The following HERC2 variants were observed in gnomAD, a reference collection of about 807,000 sequenced individuals.
HERC2 encodes HECT and RLD domain containing E3 ubiquitin protein ligase 2.
A neutral mutation model predicts 537.7 loss-of-function variants in HERC2; 102 were observed. The ratio of observed to expected loss-of-function variants is 0.19; its 90% CI spans 0.16 to 0.22. The LOEUF (loss-of-function observed/expected upper bound fraction) is 0.22. Among genes scored for constraint, HERC2 ranks in the 10% least tolerant of loss-of-function variants. The probability of loss-of-function intolerance (pLI) is 1.00; values close to 1 mark genes in which losing one functional copy is unlikely to be tolerated. For synonymous variants in HERC2, 2,224 were observed against 2,466.2 expected, an observed-to-expected ratio of 0.90 and a Z score of 2.91; for missense variants, 4,236 against 6,198.2, an observed-to-expected ratio of 0.68 and a Z score of 10.63.
At position 28,122,252 on chromosome 15, in the gene HERC2, G is replaced by A. The variant is rs533300747; in HGVS notation, c.13189-823C>T. On this transcript the variant is annotated intron_variant, in intron 85 of 92. Transcript: ENST00000261609. The surrounding 1 kb of genome is among the most constrained non-coding windows in gnomAD (Gnocchi z 4.1). ...AGGAGGGAGCAGGTCGGCCATGCCCGTGGGGAAAGGGCAGAGGATGCGGCA... is the reference window on the plus strand; with the variant it reads ...AGGAGGGAGCAGGTCGGCCATGCCCATGGGGAAAGGGCAGAGGATGCGGCA... 3.2e-4 allele frequency among the ~76,000 whole-genome samples: 48 copies of A among 152,370 alleles called. No homozygotes were observed. The highest frequency in any genetic ancestry group is 1.1e-3 in the African/African-American group (46 of 41,600).
chr15:28,292,730 C>T (rs116161639), intron 4 of HERC2, among the ~76,000 whole-genome samples, 158 bp downstream of exon 4: 2,958 of 152,154 alleles, frequency 0.019, 95 homozygotes, highest in African/African-American at 0.067. Context: ...ATGGTTAAAA[C>T]GGTAAGTTTT....
chr15:28,269,659 C>T (rs1355468977), intron 10 of HERC2, among the ~76,000 whole-genome samples: 4 of 152,178 alleles, frequency 2.6e-5, no homozygotes, highest in Admixed American at 6.5e-5. Flanking sequence ...TTCATTTTAA[C>T]AGAGCCCATT....
rs763078583 is a variant in HERC2 at position 28,113,550 on chromosome 15, GC to G, written c.14019+22del. On this transcript the variant is annotated intron_variant, in intron 91 of 92. Coordinates refer to ENST00000261609, the MANE Select transcript of HERC2 (RefSeq NM_004667.6). This position sits in a 1 kb window ranked among gnomAD's most constrained non-coding sequence, Gnocchi z 7.0. ...GCAGGCAAAAGGCAGCTGCAGGGCA[GC>G]CCCACCTGGGGGTCGGCATACCATC... 2.3e-5 allele frequency: 36 copies of G among 1,599,330 alleles called. No homozygotes were observed. Among genetic ancestry groups the G allele is most frequent in the Admixed American group, 1.3e-4 (8 of 59,972 alleles).
chr15:28,195,942 C>A (rs1345724781), intron 52 of HERC2, among the ~76,000 whole-genome samples: 1 of 152,196 alleles, frequency 6.6e-6, no homozygotes, highest in Non-Finnish European at 1.5e-5. Flanking sequence ...TAAACACTTA[C>A]TAGTTTCTTG....
In HERC2 at chr15:28,270,711, G is replaced by C. The variant is rs763598600; in HGVS notation, c.1241C>G (p.Ser414Cys). The change falls in exon 10 of 93, where the codon TCT becomes TGT. Residue 414 changes from serine (S) to cysteine (C), a missense_variant. Coordinates refer to ENST00000261609, the MANE Select transcript of HERC2 (RefSeq NM_004667.6). Reference sequence around the variant, plus strand: ...CACACACACCTTATGAGATGTCGGAGAGCTACACAGCGGAGGCATACAGGG... The same window carrying C: ...CACACACACCTTATGAGATGTCGGACAGCTACACAGCGGAGGCATACAGGG... ...ATPCMPPLCS[S>C]PTSHKGSLQE... The C allele has an allele frequency of 3.1e-6, 5 of 1,613,954 alleles. No individual in the cohort carries two copies. Among genetic ancestry groups the C allele is most frequent in the African/African-American group, 1.3e-5 (1 of 75,034 alleles).
chr15:28,228,347 T>C lies in HERC2; in HGVS notation c.5335A>G (p.Thr1779Ala). Reference protein sequence around the residue: ...NENPSGPSLGTIPQARFLLVM... With the variant: ...NENPSGPSLGAIPQARFLLVM... Reference sequence around the variant, plus strand: ...AGGAGGAAGCGGGCTTGCGGGATGGTCCCCAGGCTCGGTCCTGACGGGTTC... The same window carrying C: ...AGGAGGAAGCGGGCTTGCGGGATGGCCCCCAGGCTCGGTCCTGACGGGTTC... The change falls in exon 35 of 93, where the codon ACC becomes GCC. Residue 1779 changes from threonine (T) to alanine (A), a missense_variant. By Grantham distance (58) the Thr-to-Ala change is moderately conservative. Around this residue, in one of 27 missense-constraint regions of HERC2, gnomAD observed 343 missense variants for 417.2 expected, o/e 0.82. Coordinates refer to ENST00000261609, the MANE Select transcript of HERC2 (RefSeq NM_004667.6). 1 of 1,612,074 alleles carries C rather than the reference T, an allele frequency of 6.2e-7. No individual in the cohort carries two copies. The highest frequency in any genetic ancestry group is 1.1e-5 in the South Asian group (1 of 90,984).
At position 28,178,131 on chromosome 15, in the gene HERC2, C is replaced by T. The variant is rs114875495; in HGVS notation, c.9164-622G>A. 6.6e-5 allele frequency among the ~76,000 whole-genome samples: 10 copies of T among 151,890 alleles called. No homozygotes were observed. In the South Asian group the frequency reaches 2.1e-3, roughly 32 times the overall value. ...TTCTCCCCCTTCCTTACCAACAGAA[C>T]CCCCATGTTAAAGTGCTCAGCTAAT... is the stretch of plus-strand genomic sequence containing the variant. On this transcript the variant is annotated intron_variant, in intron 59 of 92. Coordinates refer to ENST00000261609, the MANE Select transcript of HERC2 (RefSeq NM_004667.6).
intron 50 of HERC2, among the ~76,000 whole-genome samples, chr15:28,197,242 T>C (rs1198162366): frequency 6.6e-6 from 1 of 152,210 alleles, no homozygotes; most frequent in Non-Finnish European, 1.5e-5. Flanking sequence ...AACAAACAAA[T>C]AATCTCTTTA....
chr15:28,193,182 T>C (rs1460696454), intron 52 of HERC2, among the ~76,000 whole-genome samples: 1 of 152,058 alleles, frequency 6.6e-6, no homozygotes, highest in African/African-American at 2.4e-5. Context: ...CCAGAAATGA[T>C]AGGACAGAAA....
intron 69 of HERC2, among the ~76,000 whole-genome samples, chr15:28,160,322 C>G (rs1389564838): frequency 6.6e-6 from 1 of 152,220 alleles, no homozygotes; most frequent in Non-Finnish European, 1.5e-5. Context: ...CTATGGCCTG[C>G]CCCCAGAGGT....
chr15:28,284,396 CTAA>C (rs956837659), intron 4 of HERC2, among the ~76,000 whole-genome samples: 3 of 151,890 alleles, frequency 2.0e-5, no homozygotes, highest in South Asian at 2.1e-4. Context: ...CCTCAGTTTA[CTAA>C]TAATGACATT....
Position 28,125,028 on chromosome 15 carries a change from C to T in HERC2, c.12968G>A (p.Ser4323Asn). ...TLAWSTSKPA[S>N]AGKLPAQVPM... is the part of the protein sequence containing the mutation. ...CACCTGTGCAGGGAGTTTGCCAGCA[C>T]TGGCGGGCTTGCTGGTCGACCAGGC... The change falls in exon 84 of 93, where the codon AGT (serine) becomes AAT (asparagine). Residue 4323 changes from serine to asparagine, a missense_variant. Physicochemically the swap from Ser to Asn is conservative, Grantham distance 46. This residue lies in a region of HERC2 where 189 missense variants were observed against 255.7 expected (regional missense o/e 0.74). Transcript: ENST00000261609. The T allele has an allele frequency of 1.2e-6, 2 of 1,603,356 alleles. No homozygotes were observed. Among genetic ancestry groups the T allele is most frequent in the Non-Finnish European group, 1.7e-6 (2 of 1,170,926 alleles).
Position 28,166,220 on chromosome 15 carries a change from A to C in HERC2, c.10554+1467T>G, listed in dbSNP as rs563019516. ...ATCCAAACCAAAGACATCACAAGAA[A>C]ACTACAGAGCCGTATCCCTTATGAA... On this transcript the variant is annotated intron_variant, in intron 68 of 92. Coordinates refer to ENST00000261609, the MANE Select transcript of HERC2 (RefSeq NM_004667.6). 7.7e-4 allele frequency among the ~76,000 whole-genome samples: 117 copies of C among 152,328 alleles called. 1 individual carries two copies. Among genetic ancestry groups the C allele is most frequent in the African/African-American group, 2.7e-3 (111 of 41,580 alleles).
At chr15:28,136,667 T>A (rs187259796) in intron 78 of HERC2, among the ~76,000 whole-genome samples, 271 of 152,356 alleles carry the variant, frequency 1.8e-3, no homozygotes, top group Non-Finnish European at 2.5e-3. Flanking sequence ...CCATCATTTC[T>A]TTCTGTAAAT....
intron 44 of HERC2, among the ~76,000 whole-genome samples, chr15:28,208,023 C>T (rs1397330049): frequency 2.0e-5 from 3 of 152,230 alleles, no homozygotes; most frequent in African/African-American, 7.2e-5. Context: ...TCTGCTGTCA[C>T]TGCTCATTGG....
intron 2 of HERC2, among the ~76,000 whole-genome samples, chr15:28,306,614 C>T (rs1364300752): frequency 1.3e-5 from 2 of 152,202 alleles, no homozygotes; most frequent in African/African-American, 2.4e-5. Context: ...CCCTCCTCCT[C>T]TATTTTTCAG....
intron 22 of HERC2, 57 bp from the exon 23 acceptor site, chr15:28,246,123 TA>T (rs1335261890): frequency 5.1e-6 from 6 of 1,171,334 alleles, no homozygotes; most frequent in Admixed American, 2.5e-5. Flanking sequence ...AAGCTATTTG[TA>T]AACTTGTTCT....
intron 44 of HERC2, among the ~76,000 whole-genome samples, chr15:28,208,617 C>T (rs1409175634): frequency 6.6e-6 from 1 of 152,138 alleles, no homozygotes; most frequent in African/African-American, 2.4e-5. Context: ...TGTCACCCAC[C>T]CATCCAGCTT....
chr15:28,251,910 G>C (rs2075096066), intron 20 of HERC2, among the ~76,000 whole-genome samples: 2 of 152,198 alleles, frequency 1.3e-5, no homozygotes, highest in African/African-American at 4.8e-5. Flanking sequence ...ATTTTACATA[G>C]GTTATTTCAT....
Sources: allele counts gnomAD v4.1 joint callset (sites outside exome capture counted in the v4.1 genomes callset), GRCh38; gene constraint gnomAD v4.1.1; regional missense constraint gnomAD v4.1.1; non-coding constraint Gnocchi (gnomAD v3.1); transcripts MANE v1.5; gene names NCBI Gene and HGNC (gene_info 2026-07-23, HGNC 2026-07-21).